HLCS: variants seen among roughly 807,000 people sequenced by gnomAD.
HLCS encodes the protein holocarboxylase synthetase.
A neutral mutation model predicts 75.0 loss-of-function variants in HLCS; 53 were observed. The observed-to-expected ratio is 0.71, with a 90% CI of 0.57 to 0.89. The LOEUF (loss-of-function observed/expected upper bound fraction) is 0.89. Among genes scored for constraint, HLCS ranks in the 40% least tolerant of loss-of-function variants. HLCS has a pLI of 0.00. For synonymous variants in HLCS, 431 were observed against 428.6 expected, an observed-to-expected ratio of 1.01 and a Z score of -0.07; for missense variants, 966 against 1,074.0, an observed-to-expected ratio of 0.90 and a Z score of 1.41.
At chr21:36,922,423 G>A (rs1206349394) in intron 5 of HLCS, among the ~76,000 whole-genome samples, 1 of 152,174 alleles carries the variant, frequency 6.6e-6, no homozygotes, top group African/African-American at 2.4e-5. Flanking sequence ...GAGGGATAAT[G>A]TAGAATTGTA....
Position 36,837,471 on chromosome 21 carries a change from G to A in HLCS, c.1892+59389C>T, listed in dbSNP as rs182316039. Among the ~76,000 whole-genome samples the A allele has an allele frequency of 1.4e-3, 217 of 152,068 alleles. 2 individuals carry two copies. Among genetic ancestry groups the A allele is most frequent in the African/African-American group, 5.0e-3 (209 of 41,492 alleles). On this transcript the variant is annotated intron_variant, in intron 6 of 10. Coordinates refer to ENST00000674895, the MANE Select transcript of HLCS (RefSeq NM_001352514.2). ...ATCTTGGCCATGTCCACGTCAAGTA[G>A]GAAAAAGTCCAAACAGAATGAAAGT...
At chr21:36,881,414 G>C (rs1328852262) in intron 6 of HLCS, among the ~76,000 whole-genome samples, 3 of 152,206 alleles carry the variant, frequency 2.0e-5, no homozygotes, top group Non-Finnish European at 4.4e-5. Flanking sequence ...CTGGGTTCCA[G>C]AAGGAAACTC....
At chr21:36,858,005 G>C (rs149736502) in intron 6 of HLCS, among the ~76,000 whole-genome samples, 117 of 152,052 alleles carry the variant, frequency 7.7e-4, no homozygotes, top group African/African-American at 2.7e-3. Context: ...GGCCAGGCTG[G>C]TCTTGAACTC....
At chr21:36,952,154 C>T (rs2067697750) in intron 2 of HLCS, among the ~76,000 whole-genome samples, 2 of 152,096 alleles carry the variant, frequency 1.3e-5, no homozygotes, top group Admixed American at 1.3e-4. Flanking sequence ...ACCTTAGGAC[C>T]CTGTTAAATT....
chr21:36,977,656 T>C (rs2068977054), intron 1 of HLCS, among the ~76,000 whole-genome samples: 4 of 152,254 alleles, frequency 2.6e-5, no homozygotes, highest in South Asian at 4.2e-4. Context: ...AGTGAAGCAA[T>C]AGAGGCCATG....
At chr21:36,846,146 A>C (rs960224088) in intron 6 of HLCS, among the ~76,000 whole-genome samples, 2 of 152,176 alleles carry the variant, frequency 1.3e-5, no homozygotes, top group Non-Finnish European at 2.9e-5. Context: ...CATAGTAGAC[A>C]CTCCATAAAT....
chr21:36,853,660 T>C (rs1045203356), intron 6 of HLCS, among the ~76,000 whole-genome samples: 1 of 152,196 alleles, frequency 6.6e-6, no homozygotes, highest in African/African-American at 2.4e-5. Flanking sequence ...TTAACTATCC[T>C]TCAGATATTA....
intron 6 of HLCS, among the ~76,000 whole-genome samples, chr21:36,893,870 C>A (rs2064898184): frequency 6.6e-6 from 1 of 152,178 alleles, no homozygotes; most frequent in African/African-American, 2.4e-5. Flanking sequence ...TTAAAGCACA[C>A]AAAAGCAGCA....
At chr21:36,942,704 G>T (rs1417378242) in intron 2 of HLCS, among the ~76,000 whole-genome samples, 15 of 152,096 alleles carry the variant, frequency 9.9e-5, no homozygotes, top group Non-Finnish European at 2.9e-5. Flanking sequence ...AAAAATAGGA[G>T]AAAGTATTGG....
chr21:36,922,301 T>C (rs2066205533), intron 5 of HLCS, among the ~76,000 whole-genome samples: 1 of 152,184 alleles, frequency 6.6e-6, no homozygotes, highest in South Asian at 2.1e-4. Flanking sequence ...ACATGATGCT[T>C]TGATATATGT....
chr21:36,837,242 C>G (rs1190392321), intron 6 of HLCS, among the ~76,000 whole-genome samples: 1 of 152,188 alleles, frequency 6.6e-6, no homozygotes, highest in African/African-American at 2.4e-5. Flanking sequence ...GTATTGGGAC[C>G]TGACCTGCTT....
At chr21:36,908,203 A>G (rs1045491857) in intron 5 of HLCS, among the ~76,000 whole-genome samples, 1 of 152,046 alleles carries the variant, frequency 6.6e-6, no homozygotes, top group African/African-American at 2.4e-5. Context: ...TAAGCAACAC[A>G]GTGACACCCA....
intron 1 of HLCS, chr21:36,990,076 T>C (rs2069321328): frequency 6.6e-6 from 1 of 152,074 alleles, no homozygotes; most frequent in African/African-American, 2.4e-5. Context: ...AGGCTCGCGG[T>C]GGACTGCCTG....
At chr21:36,962,793 CAAAAAAAAA>C (rs386394699) in intron 1 of HLCS, among the ~76,000 whole-genome samples, 8 of 80,228 alleles carry the variant, frequency 1.0e-4, no homozygotes, top group Middle Eastern at 6.7e-3. Context: ...GACCCTATCT[CAAAAAAAAA>C]AAAAAAAAAA....
intron 6 of HLCS, among the ~76,000 whole-genome samples, chr21:36,807,454 T>G (rs1027107768): frequency 6.6e-6 from 1 of 152,186 alleles, no homozygotes; most frequent in African/African-American, 2.4e-5. Flanking sequence ...GCAGGCCAGA[T>G]AGAATTCATG....
intron 6 of HLCS, among the ~76,000 whole-genome samples, chr21:36,825,866 A>G (rs1424459981): frequency 6.6e-6 from 1 of 152,256 alleles, no homozygotes; most frequent in Non-Finnish European, 1.5e-5. Flanking sequence ...AGAGGGGACT[A>G]GAAGGCTGGC....
intron 2 of HLCS, among the ~76,000 whole-genome samples, chr21:36,957,120 A>G (rs764414161): frequency 6.6e-6 from 1 of 151,570 alleles, no homozygotes; most frequent in Non-Finnish European, 1.5e-5. Flanking sequence ...TCCCCTCCAA[A>G]TCTCACGTTG....
chr21:36,933,942 G>T (rs2066764473), intron 4 of HLCS, among the ~76,000 whole-genome samples: 1 of 152,192 alleles, frequency 6.6e-6, no homozygotes, highest in African/African-American at 2.4e-5. Context: ...GGAGACAAGG[G>T]GGAAGATGGC....
chr21:36,790,326 C>T (rs1307170495), intron 6 of HLCS, among the ~76,000 whole-genome samples: 1 of 152,148 alleles, frequency 6.6e-6, no homozygotes, highest in Non-Finnish European at 1.5e-5. Flanking sequence ...ATTGCTTGAA[C>T]CCAGGAGGTG....
Sources: allele counts gnomAD v4.1 joint callset (sites outside exome capture counted in the v4.1 genomes callset), GRCh38; gene constraint gnomAD v4.1.1; transcripts MANE v1.5; gene names NCBI Gene and HGNC (gene_info 2026-07-23, HGNC 2026-07-21).